The following DTHD1 variants were observed in gnomAD, a reference collection of about 807,000 sequenced individuals.
DTHD1 encodes the protein death domain containing 1.
Under a neutral mutation model 74.8 loss-of-function variants are expected in DTHD1, and 59 were observed. The ratio of observed to expected loss-of-function variants is 0.79; its 90% CI spans 0.64 to 0.98. The LOEUF (loss-of-function observed/expected upper bound fraction) is 0.98, where lower values mean the gene tolerates loss of function less well. DTHD1 is among the 50% of genes least tolerant of loss of function. The pLI is 0.00. For synonymous variants in DTHD1, 365 were observed against 371.1 expected, an observed-to-expected ratio of 0.98 and a Z score of 0.19; for missense variants, 1,051 against 1,065.4, an observed-to-expected ratio of 0.99 and a Z score of 0.19.
At chr4:36,301,929 C>G (rs1471633400) in intron 5 of DTHD1, among the ~76,000 whole-genome samples, 1 of 151,824 alleles carries the variant, frequency 6.6e-6, no homozygotes, top group Non-Finnish European at 1.5e-5. Flanking sequence ...AAATTTCATC[C>G]TAGGATGACC....
intron 8 of DTHD1, among the ~76,000 whole-genome samples, chr4:36,323,055 G>C (rs1008467770): frequency 1.3e-5 from 2 of 152,268 alleles, no homozygotes; most frequent in South Asian, 2.1e-4. Context: ...AGGAAAGAAG[G>C]GCTCCAGATC....
At chr4:36,306,052 G>A (rs1757029348) in intron 5 of DTHD1, 139 bp from the exon 6 acceptor site, 3 of 834,780 alleles carry the variant, frequency 3.6e-6, no homozygotes, top group African/African-American at 3.4e-5. Context: ...CTGTGTTCCT[G>A]GTGCAAAGCA....
At position 36,293,521 on chromosome 4, in the gene DTHD1, T is replaced by C. The variant is rs572007383; in HGVS notation, c.1219-5T>C. 24 of 1,532,360 alleles carry C rather than the reference T, an allele frequency of 1.6e-5. No individual in the cohort carries two copies. In the African/African-American group the frequency reaches 3.2e-4, roughly 20 times the overall value. 94.9% of individuals were successfully genotyped at this position (1,532,360 alleles called of 1,614,324 possible). A position where few individuals can be genotyped will look rare whatever the true frequency, so the allele number is the denominator to read the frequency against. On this transcript the variant is annotated splice_polypyrimidine_tract_variant and splice_region_variant and intron_variant, in intron 3 of 9. Transcript: ENST00000639862. Reference sequence around the variant, plus strand: ...GCTTATTTTAATGTTCTTTATTCTATACAGGGGACCTGTGCTTCAGTAAAA... The same window carrying C: ...GCTTATTTTAATGTTCTTTATTCTACACAGGGGACCTGTGCTTCAGTAAAA...
chr4:36,290,494 G>A lies in DTHD1; in HGVS notation c.1009G>A (p.Gly337Ser), dbSNP rs774590229. The A allele has an allele frequency of 1.5e-5, 23 of 1,551,462 alleles. No homozygotes were observed. The highest frequency in any genetic ancestry group is 1.8e-5 in the Non-Finnish European group (21 of 1,146,968). Residue 337 changes from glycine to serine, a missense_variant, in exon 3 of 10, where the codon GGT becomes AGT. Transcript: ENST00000639862. ...AAATCACATGAGTTCTTTAATAGTG[G>A]GTGATAATGAAGAGTTAGTTAGCAA... ...IINHMSSLIVGDNEELVSNVI... is the reference protein window; with the variant it reads ...IINHMSSLIVSDNEELVSNVI...
chr4:36,318,231 G>A (rs752410309), intron 8 of DTHD1, among the ~76,000 whole-genome samples: 7 of 152,204 alleles, frequency 4.6e-5, no homozygotes, highest in Non-Finnish European at 1.0e-4. Flanking sequence ...CTATTATGCT[G>A]TCACTTTGTT....
chr4:36,290,623 A>T lies in DTHD1; in HGVS notation c.1138A>T (p.Met380Leu). 6.5e-7 allele frequency: 1 copy of T among 1,549,850 alleles called. No homozygotes were observed. Among genetic ancestry groups the T allele is most frequent in the Non-Finnish European group, 8.7e-7 (1 of 1,146,890 alleles). ...TTACAGAGGAAATTACAGAGATATC[A>T]TGGTGAAAGTGTGTGACATAAACCT... ...ARYRGNYRDI[M>L]VKVCDINLQS... is the part of the protein sequence containing the mutation. Residue 380 changes from methionine (M) to leucine (L), a missense_variant, in exon 3 of 10, where the codon ATG becomes TTG. Transcript: ENST00000639862.
rs574818425 is a variant in DTHD1 at position 36,342,655 on chromosome 4, G to A, written c.2399-847G>A. 7.6e-4 allele frequency among the ~76,000 whole-genome samples: 115 copies of A among 152,038 alleles called. 1 individual carries two copies. The highest frequency in any genetic ancestry group is 9.7e-4 in the East Asian group (5 of 5,174). ...TAGATCATGTCGTGTGTATGTCTGCGTGTGTGTGTGAGTGTGTGTATAGTT... is the reference window on the plus strand; with the variant it reads ...TAGATCATGTCGTGTGTATGTCTGCATGTGTGTGTGAGTGTGTGTATAGTT... On this transcript the variant is annotated intron_variant, in intron 9 of 9. Coordinates refer to ENST00000639862, the MANE Select transcript of DTHD1 (RefSeq NM_001170700.3).
chr4:36,322,444 A>G (rs1156512058), intron 8 of DTHD1, among the ~76,000 whole-genome samples: 5 of 152,188 alleles, frequency 3.3e-5, no homozygotes, highest in Non-Finnish European at 7.3e-5. Flanking sequence ...TAGGTGGGAT[A>G]GCTAGGGAAG....
intron 6 of DTHD1, among the ~76,000 whole-genome samples, chr4:36,307,532 G>A (rs773467555): frequency 1.3e-5 from 2 of 152,152 alleles, no homozygotes; most frequent in African/African-American, 2.4e-5. Context: ...CACATTCTGA[G>A]GTACTAGGGG....
intron 5 of DTHD1, among the ~76,000 whole-genome samples, chr4:36,298,316 C>T (rs1756566447): frequency 6.6e-6 from 1 of 151,958 alleles, no homozygotes. Flanking sequence ...ATAGTAAGTG[C>T]TAAAAACATT....
At chr4:36,316,939 G>T (rs1409584999) in intron 8 of DTHD1, among the ~76,000 whole-genome samples, 1 of 152,182 alleles carries the variant, frequency 6.6e-6, no homozygotes, top group Non-Finnish European at 1.5e-5. Flanking sequence ...TCTTACTCAT[G>T]TCAGAAAGTA....
At chr4:36,285,022 A>T (rs1435181684) in intron 2 of DTHD1, among the ~76,000 whole-genome samples, 2 of 152,218 alleles carry the variant, frequency 1.3e-5, no homozygotes, top group African/African-American at 4.8e-5. Context: ...AGACTATAGC[A>T]ACATGCATAG....
chr4:36,338,656 G>A (rs1451631284), intron 8 of DTHD1, among the ~76,000 whole-genome samples: 2 of 151,908 alleles, frequency 1.3e-5, no homozygotes, highest in Non-Finnish European at 2.9e-5. Context: ...TTGATAAAAG[G>A]TTGATTTTCG....
intron 8 of DTHD1, chr4:36,332,787 C>A (rs1395164029): frequency 2.6e-5 from 4 of 152,130 alleles, no homozygotes; most frequent in Non-Finnish European, 5.9e-5. Context: ...ACAGTAAGAG[C>A]TCCCCATCTT....
intron 2 of DTHD1, among the ~76,000 whole-genome samples, chr4:36,286,154 C>T (rs1301088074): frequency 6.6e-6 from 1 of 152,132 alleles, no homozygotes; most frequent in Non-Finnish European, 1.5e-5. Context: ...ATGATAGATC[C>T]ACATGATTTG....
chr4:36,326,294 T>C (rs1046025039), intron 8 of DTHD1, among the ~76,000 whole-genome samples: 46 of 149,416 alleles, frequency 3.1e-4, no homozygotes, highest in Admixed American at 2.7e-4. Flanking sequence ...TATATAAACA[T>C]ATGGTCCATT....
intron 7 of DTHD1, among the ~76,000 whole-genome samples, chr4:36,310,646 C>A (rs1401492204): frequency 6.6e-6 from 1 of 152,164 alleles, no homozygotes; most frequent in Non-Finnish European, 1.5e-5. Flanking sequence ...CAGGAAATAG[C>A]TCCAAGCTTC....
In DTHD1 at chr4:36,281,961, C is replaced by T. The variant is rs1395519661; in HGVS notation, c.203C>T (p.Thr68Ile). ...CAGCTGCTGGAGCACACCTCAGGCA[C>T]CCTGCGTTCCACCTGCCAGCAGCTG... ...LHQLLEHTSG[T>I]LRSTCQQLHV... Residue 68 changes from threonine (T) to isoleucine (I), a missense_variant, in exon 1 of 10, where the codon ACC (threonine) becomes ATC (isoleucine). Thr to Ile is a moderately conservative substitution (Grantham distance 89). Coordinates refer to ENST00000639862, the MANE Select transcript of DTHD1 (RefSeq NM_001170700.3). 7 of 1,474,096 alleles carry T rather than the reference C, an allele frequency of 4.7e-6. No individual in the cohort carries two copies. In the African/African-American group the frequency reaches 9.9e-5, roughly 21 times the overall value. 91.3% of individuals were successfully genotyped at this position (1,474,096 alleles called of 1,614,324 possible). A position where few individuals can be genotyped will look rare whatever the true frequency, so the allele number is the denominator to read the frequency against.
intron 8 of DTHD1, among the ~76,000 whole-genome samples, chr4:36,319,810 T>C (rs1055870276): frequency 6.6e-6 from 1 of 152,236 alleles, no homozygotes; most frequent in Non-Finnish European, 1.5e-5. Context: ...TCAGTAAAAG[T>C]CTGTGTTTAC....
Sources: gnomAD v4.1 joint callset for allele counts (sites outside exome capture counted in the v4.1 genomes callset) on GRCh38, gnomAD v4.1.1 for gene constraint, MANE v1.5 for transcripts, NCBI Gene and HGNC (gene_info 2026-07-23, HGNC 2026-07-21) for gene names.